PBRM1: variants seen among roughly 807,000 people sequenced by gnomAD.
The protein encoded by PBRM1 is polybromo 1.
In PBRM1, 27 loss-of-function variants were observed where a neutral mutation model predicts 194.5. That is an observed-to-expected ratio of 0.14 (90% CI 0.10 to 0.19). The LOEUF is 0.19. Among genes scored for constraint, PBRM1 ranks in the 10% least tolerant of loss-of-function variants. The pLI is 1.00. For missense variants in PBRM1, 1,466 were observed against 2,077.2 expected (o/e 0.71, Z 5.72); for synonymous variants, 655 against 693.2 (o/e 0.94, Z 0.87).
At chr3:52,635,048 C>A (rs2095755811) in intron 10 of PBRM1, among the ~76,000 whole-genome samples, 1 of 152,066 alleles carries the variant, frequency 6.6e-6, no homozygotes, top group African/African-American at 2.4e-5. Flanking sequence ...AGATCAGTCT[C>A]CCGAGTAGCT....
At chr3:52,668,381 G>A (rs927460109) in intron 3 of PBRM1, 117 bp downstream of exon 4, 6 of 654,246 alleles carry the variant, frequency 9.2e-6, no homozygotes, top group African/African-American at 7.7e-5. Flanking sequence ...AGACAAATGC[G>A]AACTCAAGCC....
At chr3:52,595,858 C>G (rs1213885961) in intron 17 of PBRM1, among the ~76,000 whole-genome samples, 1 of 152,142 alleles carries the variant, frequency 6.6e-6, no homozygotes, top group Non-Finnish European at 1.5e-5. Context: ...ATTCTGTATA[C>G]TGATATCCAG....
At chr3:52,639,760 A>AG (rs1189810776) in intron 10 of PBRM1, among the ~76,000 whole-genome samples, 1 of 145,374 alleles carries the variant, frequency 6.9e-6, no homozygotes, top group African/African-American at 2.7e-5. Flanking sequence ...TTGTAGAGGC[A>AG]GGGTGTTTCT....
intron 10 of PBRM1, among the ~76,000 whole-genome samples, chr3:52,639,937 A>C (rs2096006248): frequency 6.6e-6 from 1 of 152,134 alleles, no homozygotes; most frequent in Admixed American, 6.6e-5. Context: ...TACTTACATG[A>C]AGAAGTGTGT....
At chr3:52,550,627 A>C (rs2080725700) in exon 29 of PBRM1, 3 of 1,523,574 alleles carry the variant, frequency 2.0e-6, no homozygotes, top group Admixed American at 2.1e-5. Flanking sequence ...TGGAGGCCCC[A>C]AAACTCCCAC....
chr3:52,671,983 T>C (rs1407529354), intron 2 of PBRM1, among the ~76,000 whole-genome samples: 2 of 152,220 alleles, frequency 1.3e-5, no homozygotes, highest in South Asian at 2.1e-4. Flanking sequence ...TGTAACAAAT[T>C]ACCACAAACT....
chr3:52,662,306 CA>C, intron 3 of PBRM1, 30 bp from the exon 5 acceptor site: 1 of 1,495,896 alleles, frequency 6.7e-7, no homozygotes, highest in Non-Finnish European at 9.1e-7. Flanking sequence ...AAAAAAAAAA[CA>C]CTTTAGTAAT....
chr3:52,561,454 T>C (rs1271119072), intron 25 of PBRM1, among the ~76,000 whole-genome samples: 1 of 152,210 alleles, frequency 6.6e-6, no homozygotes, highest in African/African-American at 2.4e-5. Context: ...TGTACAATAA[T>C]TCCCTAGCTC....
At position 52,644,805 on chromosome 3, in the gene PBRM1, T is replaced by C. The variant is rs759222590; in HGVS notation, c.814-16A>G. The C allele has an allele frequency of 7.9e-7, 1 of 1,268,894 alleles. No individual in the cohort carries two copies. The highest frequency in any genetic ancestry group is 1.1e-6 in the Non-Finnish European group (1 of 875,154). 78.6% of individuals were successfully genotyped at this position (1,268,894 alleles called of 1,614,324 possible). A position where few individuals can be genotyped will look rare whatever the true frequency, so the allele number is the denominator to read the frequency against. On this transcript the variant is annotated splice_polypyrimidine_tract_variant and intron_variant, in intron 7 of 29. Transcript: ENST00000296302. ...AATTTGCATCCTGTCAAGATAAAAT[T>C]ACTTGGTTTAAAAAAGGAACAGATA...
chr3:52,612,742 A>G (rs1014618213), intron 15 of PBRM1, among the ~76,000 whole-genome samples: 4 of 152,052 alleles, frequency 2.6e-5, no homozygotes, highest in Non-Finnish European at 5.9e-5. Flanking sequence ...TGTCTCTATT[A>G]AAAATACAAA....
chr3:52,667,172 A>G (rs902581171), intron 3 of PBRM1, among the ~76,000 whole-genome samples: 1 of 152,182 alleles, frequency 6.6e-6, no homozygotes, highest in Non-Finnish European at 1.5e-5. Context: ...GCTGCATTAA[A>G]GGCTTATATG....
chr3:52,573,177 C>T (rs1341369828), intron 22 of PBRM1, among the ~76,000 whole-genome samples: 1 of 152,200 alleles, frequency 6.6e-6, no homozygotes, highest in East Asian at 1.9e-4. Flanking sequence ...GTAGTAACTT[C>T]ACCTTTCTGA....
At chr3:52,589,652 GTTTCA>G (rs2092817626) in intron 17 of PBRM1, among the ~76,000 whole-genome samples, 1 of 151,842 alleles carries the variant, frequency 6.6e-6, no homozygotes, top group Non-Finnish European at 1.5e-5. Flanking sequence ...TTCTTAATGT[GTTTCA>G]TTTCACTAAG....
At chr3:52,626,354 A>G (rs2095446199) in intron 13 of PBRM1, among the ~76,000 whole-genome samples, 1 of 152,248 alleles carries the variant, frequency 6.6e-6, no homozygotes, top group Non-Finnish European at 1.5e-5. Context: ...TAAGAAGGAA[A>G]GCAGGACAGC....
At chr3:52,582,582 C>T (rs1270270079) in intron 20 of PBRM1, among the ~76,000 whole-genome samples, 1 of 151,704 alleles carries the variant, frequency 6.6e-6, no homozygotes, top group Non-Finnish European at 1.5e-5. Flanking sequence ...CCTCCTCAGC[C>T]TCCCAAAGTG....
upstream of PBRM1, among the ~76,000 whole-genome samples, chr3:52,684,539 C>A (rs2097277179): frequency 6.6e-6 from 1 of 152,164 alleles, no homozygotes; most frequent in African/African-American, 2.4e-5. Context: ...AAAAAAACCA[C>A]TCTTAACGTT....
intron 25 of PBRM1, among the ~76,000 whole-genome samples, chr3:52,561,282 C>T (rs2083451422): frequency 6.6e-6 from 1 of 152,116 alleles, no homozygotes; most frequent in Non-Finnish European, 1.5e-5. Flanking sequence ...GCTATGAATA[C>T]AGACACAGTA....
At chr3:52,620,256 A>G (rs922990008) in intron 13 of PBRM1, among the ~76,000 whole-genome samples, 4 of 152,182 alleles carry the variant, frequency 2.6e-5, no homozygotes, top group African/African-American at 9.7e-5. Flanking sequence ...CTAAAGAAAA[A>G]TTTCAGAACC....
intron 20 of PBRM1, chr3:52,586,037 G>A (rs772464021): frequency 1.8e-4 from 29 of 160,688 alleles, no homozygotes; most frequent in Non-Finnish European, 2.7e-4. Context: ...CCAGGTTCAC[G>A]CCATTCTCCT....
Sources: gnomAD v4.1 joint callset for allele counts (sites outside exome capture counted in the v4.1 genomes callset) on GRCh38, gnomAD v4.1.1 for gene constraint, MANE v1.5 for transcripts, NCBI Gene and HGNC (gene_info 2026-07-23, HGNC 2026-07-21) for gene names.